The following CADPS variants were observed in gnomAD, a reference collection of about 807,000 sequenced individuals.
The protein encoded by CADPS is calcium dependent secretion activator.
In CADPS, 57 loss-of-function variants were observed where a neutral mutation model predicts 167.3. The observed-to-expected ratio is 0.34, with a 90% confidence interval of 0.28 to 0.42. The LOEUF (loss-of-function observed/expected upper bound fraction) is 0.42. CADPS is among the 20% of genes least tolerant of loss of function. The pLI, the probability that CADPS is intolerant of heterozygous loss-of-function variation, is 1.00. For synonymous variants in CADPS, 676 were observed against 635.3 expected, an observed-to-expected ratio of 1.06 and a Z score of -0.96; for missense variants, 1,414 against 1,738.1, an observed-to-expected ratio of 0.81 and a Z score of 3.32.
At chr3:62,752,046 T>G (rs1409868486) in intron 3 of CADPS, among the ~76,000 whole-genome samples, 1 of 151,998 alleles carries the variant, frequency 6.6e-6, no homozygotes, top group African/African-American at 2.4e-5. Flanking sequence ...ACCTAGAAGG[T>G]TTAGGAACAC....
intron 7 of CADPS, among the ~76,000 whole-genome samples, chr3:62,586,366 T>C (rs1400043064): frequency 6.6e-6 from 1 of 152,156 alleles, no homozygotes; most frequent in East Asian, 1.9e-4. Context: ...CATGGTCTTA[T>C]GGGTGGACAC....
rs760619126 is a variant in CADPS at position 62,516,596 on chromosome 3, A to T, written c.2441T>A (p.Leu814His). Residue 814 changes from leucine to histidine, a missense_variant, in exon 15 of 30, where the codon CTC (leucine) becomes CAC (histidine). Leu to His is a moderately conservative substitution (Grantham distance 99, BLOSUM62 -3). Coordinates refer to ENST00000383710, the MANE Select transcript of CADPS (RefSeq NM_003716.4). Reference protein sequence around the residue: ...GRPEGALKATLSLLERVLMKD... With the variant: ...GRPEGALKATHSLLERVLMKD... ...CATTCTTACCCTTTCCAAGAGTGAG[A>T]GAGTAGCTTTCAAAGCACCTTCAGG... 1.2e-6 allele frequency: 2 copies of T among 1,606,082 alleles called. No individual in the cohort carries two copies. The highest frequency in any genetic ancestry group is 1.7e-6 in the Non-Finnish European group (2 of 1,174,522).
intron 3 of CADPS, among the ~76,000 whole-genome samples, chr3:62,725,357 G>A (rs2076550053): frequency 2.0e-5 from 3 of 152,174 alleles, no homozygotes; most frequent in African/African-American, 7.2e-5. Flanking sequence ...TTATGGTACT[G>A]GACAGTGCAG....
At chr3:62,748,344 C>CAA (rs60942307) in intron 3 of CADPS, among the ~76,000 whole-genome samples, 9 of 48,492 alleles carry the variant, frequency 1.9e-4, no homozygotes, top group East Asian at 1.2e-3. Flanking sequence ...GACTCCGTCT[C>CAA]AAAAAAAAAA....
chr3:62,823,393 C>T (rs920475757), intron 1 of CADPS, among the ~76,000 whole-genome samples: 2 of 152,302 alleles, frequency 1.3e-5, no homozygotes, highest in East Asian at 1.9e-4. Flanking sequence ...GTTAAGCACA[C>T]TTCCAAAGTT....
chr3:62,553,131 A>G (rs1271494823), intron 10 of CADPS, among the ~76,000 whole-genome samples: 2 of 152,166 alleles, frequency 1.3e-5, no homozygotes, highest in Non-Finnish European at 2.9e-5. Flanking sequence ...AGGGAATGCC[A>G]GGACAAACAC....
At chr3:62,417,056 T>C (rs2050204090) in intron 28 of CADPS, among the ~76,000 whole-genome samples, 1 of 151,974 alleles carries the variant, frequency 6.6e-6, no homozygotes, top group Non-Finnish European at 1.5e-5. Context: ...CAGCTAAGCA[T>C]ACATTTTTCT....
chr3:62,710,934 C>T (rs371164306), intron 3 of CADPS, among the ~76,000 whole-genome samples: 1 of 152,140 alleles, frequency 6.6e-6, no homozygotes, highest in Admixed American at 6.6e-5. Context: ...TGTGCCTATT[C>T]CTTCAGGATC....
chr3:62,664,361 A>T (rs2074006201), intron 3 of CADPS, among the ~76,000 whole-genome samples: 1 of 152,214 alleles, frequency 6.6e-6, no homozygotes, highest in African/African-American at 2.4e-5. Context: ...CATAATACTC[A>T]TAGAACATGA....
At position 62,417,283 on chromosome 3, in the gene CADPS, T is replaced by C. The variant is rs1484061638; in HGVS notation, c.3778-14098A>G. Among the ~76,000 whole-genome samples the C allele has an allele frequency of 2.6e-4, 33 of 126,324 alleles. 3 individuals carry two copies. Among genetic ancestry groups the C allele is most frequent in the African/African-American group, 6.9e-4 (23 of 33,128 alleles). 82.9% of individuals were successfully genotyped at this position (126,324 alleles called of 152,430 possible). On this transcript the variant is annotated intron_variant, in intron 28 of 29. Coordinates refer to ENST00000383710, the MANE Select transcript of CADPS (RefSeq NM_003716.4). ...AACTATTTTTCTTTTACTCTTTTTT[T>C]TTTTTTTTTTTTTTTTTTTTTGAGA...
chr3:62,531,222 T>TTC (rs10587853), intron 13 of CADPS, among the ~76,000 whole-genome samples: 26 of 150,628 alleles, frequency 1.7e-4, no homozygotes, highest in East Asian at 3.9e-4. Flanking sequence ...ATAATGCAAC[T>TTC]TCTCTCTCTC....
intron 11 of CADPS, among the ~76,000 whole-genome samples, chr3:62,537,767 C>A (rs2152057709): frequency 6.6e-6 from 1 of 151,804 alleles, no homozygotes; most frequent in East Asian, 1.9e-4. Flanking sequence ...TGGGGTATGG[C>A]TGTAAGCTTG....
chr3:62,511,135 G>GA lies in CADPS; in HGVS notation c.2599+1615dup, dbSNP rs150243990. On this transcript the variant is annotated intron_variant, in intron 17 of 29. Transcript: ENST00000383710. ...TTGAGACCTGTGGAATCTTTCTTCT[G>GA]AAAAAATCCATATGCATGCCAAGGT... Among the ~76,000 whole-genome samples the GA allele has an allele frequency of 2.8e-3, 433 of 152,120 alleles. 3 individuals carry two copies. The highest frequency in any genetic ancestry group is 0.014 in the Middle Eastern group (4 of 294).
intron 1 of CADPS, among the ~76,000 whole-genome samples, chr3:62,827,794 A>C (rs1222689096): frequency 6.6e-6 from 1 of 152,154 alleles, no homozygotes; most frequent in Non-Finnish European, 1.5e-5. Context: ...AGATCTGTAC[A>C]GTTCACAATT....
At chr3:62,830,944 G>T (rs1319882182) in intron 1 of CADPS, among the ~76,000 whole-genome samples, 1 of 152,104 alleles carries the variant, frequency 6.6e-6, no homozygotes, top group Non-Finnish European at 1.5e-5. Flanking sequence ...ATTCCAATCT[G>T]CTGGGGAGGA....
chr3:62,602,275 G>A lies in CADPS; in HGVS notation c.1326-9527C>T. The stretch of plus-strand genomic sequence containing the variant: ...GCAGGTTGGTGCTGGGGTCGGGGGT[G>A]GGGGGATGTCATTAGTTGCCATGGT... On this transcript the variant is annotated intron_variant, in intron 6 of 29. Coordinates refer to ENST00000383710, the MANE Select transcript of CADPS (RefSeq NM_003716.4). The surrounding 1 kb of genome is among the most constrained non-coding windows in gnomAD (Gnocchi z 4.4). Among the ~76,000 whole-genome samples the A allele has an allele frequency of 7.8e-6, 1 of 127,552 alleles. No individual in the cohort carries two copies. The highest frequency in any genetic ancestry group is 3.0e-4 in the South Asian group (1 of 3,358). 83.7% of individuals were successfully genotyped at this position (127,552 alleles called of 152,430 possible). A position where few individuals can be genotyped will look rare whatever the true frequency, so the allele number is the denominator to read the frequency against.
chr3:62,697,412 T>G (rs1384385861), intron 3 of CADPS, among the ~76,000 whole-genome samples: 1 of 152,020 alleles, frequency 6.6e-6, no homozygotes, highest in African/African-American at 2.4e-5. Context: ...TCCAGTTCCA[T>G]CCTGGTTACT....
At chr3:62,537,915 G>T (rs747153133) in intron 11 of CADPS, among the ~76,000 whole-genome samples, 1 of 150,272 alleles carries the variant, frequency 6.7e-6, no homozygotes, top group African/African-American at 2.5e-5. Flanking sequence ...TTAAAAAAAC[G>T]TTGTCATTTT....
intron 4 of CADPS, among the ~76,000 whole-genome samples, chr3:62,660,560 T>C (rs1252242601): frequency 6.6e-6 from 1 of 152,112 alleles, no homozygotes; most frequent in African/African-American, 2.4e-5. Context: ...CACAGGGGGA[T>C]TTTGATGCTT....
Sources: gnomAD v4.1 joint callset for allele counts (sites outside exome capture counted in the v4.1 genomes callset) on GRCh38, gnomAD v4.1.1 for gene constraint, Gnocchi (gnomAD v3.1) non-coding constraint, MANE v1.5 for transcripts, NCBI Gene and HGNC (gene_info 2026-07-23, HGNC 2026-07-21) for gene names.